Variants in KCNK18 observed in about 807,000 individuals in gnomAD.
KCNK18 encodes potassium two pore domain channel subfamily K member 18, also known as potassium channel subfamily K member 18.
A neutral mutation model predicts 11.8 loss-of-function variants in KCNK18; 8 were observed. The ratio of observed to expected loss-of-function variants is 0.68; its 90% confidence interval spans 0.40 to 1.22. The LOEUF is 1.22. Among genes scored for constraint, KCNK18 ranks in the 50% most tolerant of loss-of-function variants. The probability of loss-of-function intolerance (pLI) is 0.01; values close to 1 mark genes in which losing one functional copy is unlikely to be tolerated. For missense variants in KCNK18, 442 were observed against 465.4 expected (o/e 0.95, Z 0.46); for synonymous variants, 208 against 185.8 (o/e 1.12, Z -0.97).
At chr10:117,201,095 G>A in intron 1 of KCNK18, 64 bp from the exon 2 acceptor site, 1 of 1,603,330 alleles carries the variant, frequency 6.2e-7, no homozygotes, top group Non-Finnish European at 8.5e-7. Flanking sequence ...CCCTTTCACT[G>A]GGGCGGGGCT....
rs145335768 is a variant in KCNK18 at position 117,210,066 on chromosome 10, T to C, written c.922T>C (p.Leu308=). The C allele has an allele frequency of 1.2e-5, 20 of 1,614,058 alleles. No homozygotes were observed. The highest frequency in any genetic ancestry group is 1.4e-5 in the Non-Finnish European group (17 of 1,180,044). ...CATCCTCCCCTTCTGGGAGACACAGTTGGATTTCGAGAATGCCTTCTATTT... is the reference window on the plus strand; with the variant it reads ...CATCCTCCCCTTCTGGGAGACACAGCTGGATTTCGAGAATGCCTTCTATTT... ...AAILPFWETQ[L]DFENAFYFCF... The change falls in exon 3 of 3, where the codon TTG becomes CTG. Residue 308 remains leucine, a synonymous_variant. Transcript: ENST00000334549.
At chr10:117,208,745 T>TC (rs1259644323) in intron 2 of KCNK18, among the ~76,000 whole-genome samples, 4 of 148,734 alleles carry the variant, frequency 2.7e-5, no homozygotes, top group Admixed American at 1.3e-4. Flanking sequence ...AAGGGTAGCT[T>TC]TTTTTTTTTT....
chr10:117,208,732 G>C (rs943752784), intron 2 of KCNK18, among the ~76,000 whole-genome samples: 1 of 141,342 alleles, frequency 7.1e-6, no homozygotes, highest in African/African-American at 2.5e-5. Flanking sequence ...TCTTATGGAG[G>C]ACAAGGGTAG....
intron 2 of KCNK18, among the ~76,000 whole-genome samples, chr10:117,204,492 A>G (rs1855054254): frequency 6.6e-6 from 1 of 152,110 alleles, no homozygotes; most frequent in Non-Finnish European, 1.5e-5. Flanking sequence ...GTCTCCAGGC[A>G]TTGCCAAATT....
In KCNK18 at chr10:117,201,289, T is replaced by A. The variant is rs1589965711; in HGVS notation, c.352+2T>A. 6.2e-7 allele frequency: 1 copy of A among 1,612,890 alleles called. No individual in the cohort carries two copies. Among genetic ancestry groups the A allele is most frequent in the Non-Finnish European group, 8.5e-7 (1 of 1,179,986 alleles). ...GCTGCACGGTGTTCAGCACCGTGGG[T>A]AAGTGCAAAGCCACAGTCCCCCTCA... On this transcript the variant is annotated splice_donor_variant, in intron 2 of 2. Coordinates refer to ENST00000334549, the MANE Select transcript of KCNK18 (RefSeq NM_181840.1). LOFTEE classifies it high-confidence loss of function.
Position 117,209,606 on chromosome 10 carries a change from C to T in KCNK18, c.462C>T (p.Ile154=). Residue 154 remains isoleucine, a synonymous_variant, in exon 3 of 3, where the codon ATC becomes ATT. Transcript: ENST00000334549. ...MFLVLTDTGD[I]LATILSTSYN... ...TCGTTCTCACGGACACAGGCGACATCCTGGCAACCATCTTATCTACATCTT... is the reference window on the plus strand; with the variant it reads ...TCGTTCTCACGGACACAGGCGACATTCTGGCAACCATCTTATCTACATCTT... 1 of 1,614,178 alleles carries T rather than the reference C, an allele frequency of 6.2e-7. No homozygotes were observed. The highest frequency in any genetic ancestry group is 1.1e-5 in the South Asian group (1 of 91,088).
intron 2 of KCNK18, among the ~76,000 whole-genome samples, chr10:117,203,514 C>T (rs1855039285): frequency 6.6e-6 from 1 of 152,138 alleles, no homozygotes; most frequent in African/African-American, 2.4e-5. Context: ...TGCAAAGGGG[C>T]TAGAAGTTAT....
intron 2 of KCNK18, among the ~76,000 whole-genome samples, chr10:117,205,151 G>A (rs888682338): frequency 6.6e-6 from 1 of 152,192 alleles, no homozygotes; most frequent in Admixed American, 6.5e-5. Context: ...TGACAGCTGT[G>A]AGGCCGGTCA....
Position 117,210,249 on chromosome 10 carries a change from G to T in KCNK18, c.1105G>T (p.Val369Phe). 6.2e-7 allele frequency: 1 copy of T among 1,614,138 alleles called. No individual in the cohort carries two copies. The highest frequency in any genetic ancestry group is 8.5e-7 in the Non-Finnish European group (1 of 1,180,034). ...CAGGCTGATTGACATATACAAAAAT[G>T]TTATGCTATTCTTTGCAAAAGGGAA... The part of the protein sequence containing the change: ...QNRLIDIYKN[V>F]MLFFAKGKFY... The change falls in exon 3 of 3, where the codon GTT becomes TTT. Residue 369 changes from valine (V) to phenylalanine (F), a missense_variant. By Grantham distance (50) the Val-to-Phe change is conservative (BLOSUM62 -1). Coordinates refer to ENST00000334549, the MANE Select transcript of KCNK18 (RefSeq NM_181840.1).
In KCNK18 at chr10:117,209,570, CCT is replaced by C. The variant is rs1181811041; in HGVS notation, c.427_428del (p.Leu143AspfsTer21). ...CMLYALFGIP[L>X]MFLVLTDTGD... ...TGCTCTATGCTCTCTTTGGTATCCCCCTGATGTTCCTCGTTCTCACGGACACA... is the reference window on the plus strand; with the variant it reads ...TGCTCTATGCTCTCTTTGGTATCCCCGATGTTCCTCGTTCTCACGGACACA... On this transcript the variant is annotated frameshift_variant, in exon 3 of 3. Transcript: ENST00000334549. LOFTEE classifies it low-confidence loss of function (END_TRUNC). 2.0e-5 allele frequency: 33 copies of C among 1,614,026 alleles called. No individual in the cohort carries two copies. The highest frequency in any genetic ancestry group is 5.0e-5 in the Admixed American group (3 of 59,992).
chr10:117,209,083 G>T, intron 2 of KCNK18, among the ~76,000 whole-genome samples: 1 of 152,172 alleles, frequency 6.6e-6, no homozygotes, highest in East Asian at 1.9e-4. Flanking sequence ...AGAGGATAAA[G>T]GTGGCATTGG....
At chr10:117,207,248 T>C (rs1322104449) in intron 2 of KCNK18, among the ~76,000 whole-genome samples, 1 of 152,122 alleles carries the variant, frequency 6.6e-6, no homozygotes, top group African/African-American at 2.4e-5. Context: ...AGGCTGGTCT[T>C]GAACTCCTGA....
At chr10:117,202,309 C>G (rs1855022561) in intron 2 of KCNK18, among the ~76,000 whole-genome samples, 1 of 152,224 alleles carries the variant, frequency 6.6e-6, no homozygotes, top group Non-Finnish European at 1.5e-5. Flanking sequence ...CTCTCAGGGT[C>G]AGCTGATGAC....
intron 1 of KCNK18, among the ~76,000 whole-genome samples, chr10:117,200,687 CT>C (rs1247307281): frequency 9.9e-5 from 15 of 152,010 alleles, no homozygotes; most frequent in African/African-American, 3.4e-4. Flanking sequence ...TAGTACGCCC[CT>C]GTAGTCTCAG....
At chr10:117,206,648 C>T (rs1353620294) in intron 2 of KCNK18, among the ~76,000 whole-genome samples, 1 of 152,148 alleles carries the variant, frequency 6.6e-6, no homozygotes, top group Non-Finnish European at 1.5e-5. Flanking sequence ...CCCCTACCTC[C>T]CTGCACACTA....
At chr10:117,208,743 CTTT>C (rs3981214) in intron 2 of KCNK18, among the ~76,000 whole-genome samples, 1 of 143,234 alleles carries the variant, frequency 7.0e-6, no homozygotes. Flanking sequence ...ACAAGGGTAG[CTTT>C]TTTTTTTTTT....
At chr10:117,206,605 G>A (rs1490213154) in intron 2 of KCNK18, among the ~76,000 whole-genome samples, 1 of 152,094 alleles carries the variant, frequency 6.6e-6, no homozygotes, top group Non-Finnish European at 1.5e-5. Context: ...GCCCTTAGAT[G>A]CTGCCCACCT....
At chr10:117,202,303 C>T (rs747937367) in intron 2 of KCNK18, among the ~76,000 whole-genome samples, 1 of 152,250 alleles carries the variant, frequency 6.6e-6, no homozygotes, top group African/African-American at 2.4e-5. Context: ...ACCTGCCTCT[C>T]AGGGTCAGCT....
Position 117,209,731 on chromosome 10 carries a change from A to C in KCNK18, c.587A>C (p.Asp196Ala), listed in dbSNP as rs770765805. The change falls in exon 3 of 3, where the codon GAT becomes GCT. Residue 196 changes from aspartate (D) to alanine (A), a missense_variant. Physicochemically the swap from Asp to Ala is moderately radical, Grantham distance 126 (BLOSUM62 -2). Transcript: ENST00000334549. ...AAAAAACCGGACCCCAAGCCCGCAG[A>C]TGAAGCTGTCCCTCAGATCATCATC... ...FKKKPDPKPA[D>A]EAVPQIIISA... is the part of the protein sequence containing the mutation. 16 of 1,614,024 alleles carry C rather than the reference A, an allele frequency of 9.9e-6. No individual in the cohort carries two copies. The Admixed American group carries it at 2.5e-4, about 25-fold the overall frequency.
Sources: allele counts gnomAD v4.1 joint callset (sites outside exome capture counted in the v4.1 genomes callset), GRCh38; gene constraint gnomAD v4.1.1; transcripts MANE v1.5; gene names NCBI Gene and HGNC (gene_info 2026-07-23, HGNC 2026-07-21).